DSCAML1: variants seen among roughly 807,000 people sequenced by gnomAD.
DSCAML1 encodes the protein cell adhesion molecule DSCAML1.
A neutral mutation model predicts 200.5 loss-of-function variants in DSCAML1; 38 were observed. That is an observed-to-expected ratio of 0.19 (90% CI 0.15 to 0.25). DSCAML1 has a LOEUF of 0.25. Ranked by LOEUF, DSCAML1 falls within the 10% of genes least tolerant of loss-of-function variation. DSCAML1 has a pLI of 1.00. For synonymous variants in DSCAML1, 1,215 were observed against 1,165.0 expected (o/e 1.04, Z -0.87); for missense variants, 2,223 against 2,858.8 (o/e 0.78, Z 5.07).
intron 4 of DSCAML1, among the ~76,000 whole-genome samples, chr11:117,526,611 C>T (rs565543697): frequency 2.0e-5 from 3 of 152,170 alleles, no homozygotes; most frequent in South Asian, 2.1e-4. Flanking sequence ...CTCCGCCTCC[C>T]GGGTTCAAGC....
At chr11:117,729,003 T>C (rs1053197905) in intron 3 of DSCAML1, among the ~76,000 whole-genome samples, 3 of 152,218 alleles carry the variant, frequency 2.0e-5, no homozygotes, top group Non-Finnish European at 4.4e-5. Flanking sequence ...AGGATTTACA[T>C]TTCCCAATTT....
chr11:117,776,526 C>G (rs991312567), intron 3 of DSCAML1, among the ~76,000 whole-genome samples: 1 of 152,104 alleles, frequency 6.6e-6, no homozygotes, highest in Admixed American at 6.5e-5. Context: ...GGGGCTTCCA[C>G]TGCACTTGGT....
At chr11:117,443,337 G>A (rs11216393) in intron 21 of DSCAML1, among the ~76,000 whole-genome samples, 31,696 of 152,242 alleles carry the variant, frequency 0.21, 4,618 homozygotes, top group East Asian at 0.58. Context: ...CCCATGTCCC[G>A]GTCAGAGATT....
intron 1 of DSCAML1, among the ~76,000 whole-genome samples, chr11:117,809,083 C>T (rs550301599): frequency 2.8e-4 from 42 of 152,348 alleles, no homozygotes; most frequent in African/African-American, 9.6e-4. Context: ...CACTGCGAAG[C>T]TTGAGAGGAG....
At chr11:117,541,707 A>G (rs1434759206) in intron 3 of DSCAML1, among the ~76,000 whole-genome samples, 12 of 152,214 alleles carry the variant, frequency 7.9e-5, no homozygotes, top group Non-Finnish European at 5.9e-5. Context: ...TCTGGACTGT[A>G]AGCCATGGTG....
At chr11:117,699,368 G>A (rs1460075103) in intron 3 of DSCAML1, among the ~76,000 whole-genome samples, 3 of 152,176 alleles carry the variant, frequency 2.0e-5, no homozygotes, top group African/African-American at 4.8e-5. Flanking sequence ...AGGTCCAGGC[G>A]AGTGGCTCAG....
chr11:117,650,893 A>G (rs2052619410), intron 3 of DSCAML1, among the ~76,000 whole-genome samples: 1 of 152,168 alleles, frequency 6.6e-6, no homozygotes, highest in East Asian at 1.9e-4. Context: ...GAATCACCCA[A>G]ACAGGCCCCA....
chr11:117,672,805 A>T (rs944117863), intron 3 of DSCAML1, among the ~76,000 whole-genome samples: 1 of 152,222 alleles, frequency 6.6e-6, no homozygotes, highest in African/African-American at 2.4e-5. Context: ...ATCATACAAC[A>T]CACTTAACAA....
chr11:117,529,554 C>T (rs1194618770), intron 4 of DSCAML1, among the ~76,000 whole-genome samples: 2 of 152,198 alleles, frequency 1.3e-5, no homozygotes, highest in African/African-American at 2.4e-5. Context: ...TAACTGCCAT[C>T]TTAATAATAC....
At chr11:117,541,734 G>T (rs1426811830) in intron 3 of DSCAML1, among the ~76,000 whole-genome samples, 1 of 152,166 alleles carries the variant, frequency 6.6e-6, no homozygotes, top group Non-Finnish European at 1.5e-5. Flanking sequence ...TCTTAGTGAG[G>T]CCCCTGCAAG....
chr11:117,562,245 G>A (rs1175362476), intron 3 of DSCAML1, among the ~76,000 whole-genome samples: 2 of 152,090 alleles, frequency 1.3e-5, no homozygotes, highest in East Asian at 1.9e-4. Flanking sequence ...AGTTACTGAC[G>A]CACTGTGGGT....
chr11:117,815,958 C>A (rs2055802032), intron 1 of DSCAML1, among the ~76,000 whole-genome samples: 1 of 152,028 alleles, frequency 6.6e-6, no homozygotes, highest in Non-Finnish European at 1.5e-5. Context: ...CACTCCTGAA[C>A]ATAGCTCGTC....
intron 3 of DSCAML1, among the ~76,000 whole-genome samples, chr11:117,712,698 G>A (rs2053871598): frequency 1.3e-5 from 2 of 151,986 alleles, no homozygotes; most frequent in African/African-American, 2.4e-5. Flanking sequence ...GAGAATGAGC[G>A]GCTGCAACCC....
In DSCAML1 at chr11:117,566,356, CT is replaced by C. The variant is rs367644615; in HGVS notation, c.512-33835del. The stretch of plus-strand genomic sequence containing the variant: ...TTCTTTTCTTTCTCTCTCTCTCTCT[CT>C]TTTTTTTTTTTCTAGGGCCTTGCTC... On this transcript the variant is annotated intron_variant, in intron 3 of 32. Transcript: ENST00000651296. Among the ~76,000 whole-genome samples, 319 of 120,380 alleles carry C rather than the reference CT, an allele frequency of 2.6e-3. 1 individual carries two copies. The highest frequency in any genetic ancestry group is 8.0e-3 in the African/African-American group (285 of 35,612). 79.0% of individuals were successfully genotyped at this position (120,380 alleles called of 152,430 possible). A position where few individuals can be genotyped will look rare whatever the true frequency, so the allele number is the denominator to read the frequency against.
intron 3 of DSCAML1, among the ~76,000 whole-genome samples, chr11:117,722,506 T>C (rs752449033): frequency 4.6e-5 from 7 of 152,158 alleles, no homozygotes; most frequent in Non-Finnish European, 7.3e-5. Context: ...TTGTATGTTT[T>C]ATAGAAGCTA....
intron 1 of DSCAML1, among the ~76,000 whole-genome samples, chr11:117,807,394 G>T (rs897298443): frequency 2.6e-5 from 4 of 152,170 alleles, no homozygotes; most frequent in East Asian, 3.9e-4. Context: ...GAATGATTTG[G>T]GGGGTGGGAG....
chr11:117,533,720 G>A (rs2050120612), intron 3 of DSCAML1, among the ~76,000 whole-genome samples: 1 of 152,140 alleles, frequency 6.6e-6, no homozygotes, highest in South Asian at 2.1e-4. Context: ...CAGAGGGGAA[G>A]TGGATTTCCT....
chr11:117,697,817 G>A (rs543390017), intron 3 of DSCAML1, among the ~76,000 whole-genome samples: 411 of 151,370 alleles, frequency 2.7e-3, no homozygotes, highest in Middle Eastern at 6.9e-3. Context: ...TGTCGCCGAG[G>A]CTGGAGTGCA....
chr11:117,587,147 G>A (rs910316327), intron 3 of DSCAML1, among the ~76,000 whole-genome samples: 1 of 151,986 alleles, frequency 6.6e-6, no homozygotes, highest in Admixed American at 6.6e-5. Flanking sequence ...TGGCTGCTTA[G>A]GTCAAGACTT....
Sources: allele counts gnomAD v4.1 joint callset (sites outside exome capture counted in the v4.1 genomes callset), GRCh38; gene constraint gnomAD v4.1.1; transcripts MANE v1.5; gene names NCBI Gene and HGNC (gene_info 2026-07-23, HGNC 2026-07-21).